EPB41L4B: variants seen among roughly 807,000 people sequenced by gnomAD.
The protein encoded by EPB41L4B is band 4.1-like protein 4B.
In EPB41L4B, 30 loss-of-function variants were observed where a neutral mutation model predicts 112.5. The observed-to-expected ratio is 0.27, with a 90% CI of 0.20 to 0.36. The LOEUF (loss-of-function observed/expected upper bound fraction) is 0.36, where lower values mean the gene tolerates loss of function less well. Among genes scored for constraint, EPB41L4B ranks in the 10% least tolerant of loss-of-function variants. The pLI, the probability that EPB41L4B is intolerant of heterozygous loss-of-function variation, is 1.00. For synonymous variants in EPB41L4B, 408 were observed against 439.7 expected (o/e 0.93, Z 0.90); for missense variants, 1,024 against 1,133.3 (o/e 0.90, Z 1.38).
chr9:109,319,360 C>G (rs1837753504), intron 1 of EPB41L4B, among the ~76,000 whole-genome samples: 2 of 152,160 alleles, frequency 1.3e-5, no homozygotes, highest in Admixed American at 6.5e-5. Flanking sequence ...CCGCCGACCC[C>G]ACGCACGGTG....
intron 4 of EPB41L4B, among the ~76,000 whole-genome samples, 199 bp from the exon 5 acceptor site, chr9:109,265,223 GGTGA>G (rs1485656476): frequency 6.6e-6 from 1 of 152,228 alleles, no homozygotes; most frequent in Non-Finnish European, 1.5e-5. Flanking sequence ...ACGCTAGGAA[GGTGA>G]GTGCATGTGG....
At chr9:109,304,477 A>G (rs1837092644) in intron 1 of EPB41L4B, among the ~76,000 whole-genome samples, 1 of 152,246 alleles carries the variant, frequency 6.6e-6, no homozygotes, top group Non-Finnish European at 1.5e-5. Flanking sequence ...CTGGAGCCGT[A>G]TCATATGTTG....
chr9:109,312,514 C>G (rs1272453424), intron 1 of EPB41L4B, among the ~76,000 whole-genome samples: 2 of 152,092 alleles, frequency 1.3e-5, no homozygotes, highest in African/African-American at 4.8e-5. Flanking sequence ...AGCCCTCCCA[C>G]CCCCCTCGCC....
intron 1 of EPB41L4B, among the ~76,000 whole-genome samples, chr9:109,314,638 C>G (rs568219060): frequency 1.5e-5 from 2 of 131,178 alleles, no homozygotes; most frequent in Admixed American, 7.0e-5. Context: ...TCTCTCACCC[C>G]CCCCCACCTC....
At chr9:109,197,162 C>G (rs1396777856) in intron 20 of EPB41L4B, among the ~76,000 whole-genome samples, 1 of 152,152 alleles carries the variant, frequency 6.6e-6, no homozygotes, top group Non-Finnish European at 1.5e-5. Flanking sequence ...GTGGCTCATG[C>G]CTGTAATCCC....
At chr9:109,234,988 T>G (rs1834089420) in intron 15 of EPB41L4B, among the ~76,000 whole-genome samples, 1 of 152,142 alleles carries the variant, frequency 6.6e-6, no homozygotes, top group African/African-American at 2.4e-5. Context: ...AATCCCAAAT[T>G]AGACAAGGTG....
chr9:109,291,509 G>A (rs1190208827), intron 1 of EPB41L4B, among the ~76,000 whole-genome samples: 1 of 152,210 alleles, frequency 6.6e-6, no homozygotes, highest in Non-Finnish European at 1.5e-5. Context: ...CCAAGACGCT[G>A]TAGTGAGAAG....
chr9:109,207,334 C>G (rs1191303014), intron 18 of EPB41L4B, among the ~76,000 whole-genome samples: 1 of 152,090 alleles, frequency 6.6e-6, no homozygotes, highest in Non-Finnish European at 1.5e-5. Context: ...CTTTAGGAGG[C>G]TGAGGCGCGA....
At chr9:109,313,071 A>T (rs1284971587) in intron 1 of EPB41L4B, among the ~76,000 whole-genome samples, 1 of 151,770 alleles carries the variant, frequency 6.6e-6, no homozygotes, top group Non-Finnish European at 1.5e-5. Flanking sequence ...TGAGACCCCA[A>T]TGTTACCAAA....
Position 109,320,257 on chromosome 9 carries a change from C to G in EPB41L4B, c.190G>C (p.Gly64Arg). The G allele has an allele frequency of 8.2e-7, 1 of 1,215,494 alleles. No individual in the cohort carries two copies. The highest frequency in any genetic ancestry group is 1.6e-5 in the African/African-American group (1 of 62,782). 75.3% of individuals were successfully genotyped at this position (1,215,494 alleles called of 1,614,324 possible). A position where few individuals can be genotyped will look rare whatever the true frequency, so the allele number is the denominator to read the frequency against. ...GCCGCGCCGCCGGTGAGCAGGGGCCCGCCGCCCGCCGGGAACACGCTGCCC... is the reference window on the plus strand; with the variant it reads ...GCCGCGCCGCCGGTGAGCAGGGGCCGGCCGCCCGCCGGGAACACGCTGCCC... ...PGGSVFPAGG[G>R]PLLTGGAAVH... The change falls in exon 1 of 26, where the codon GGG becomes CGG. Residue 64 changes from glycine (G) to arginine (R), a missense_variant. Transcript: ENST00000374566.
chr9:109,263,130 C>A (rs377643988), intron 5 of EPB41L4B, 28 bp from the exon 6 acceptor site: 3 of 1,460,724 alleles, frequency 2.1e-6, no homozygotes, highest in Non-Finnish European at 2.8e-6. Flanking sequence ...GAAATTAATT[C>A]GAAATAGGAA....
chr9:109,205,832 C>T (rs1461526535), intron 18 of EPB41L4B, among the ~76,000 whole-genome samples: 1 of 152,182 alleles, frequency 6.6e-6, no homozygotes, highest in Non-Finnish European at 1.5e-5. Flanking sequence ...AGAACTAAGG[C>T]TCAGAGAGGT....
intron 2 of EPB41L4B, among the ~76,000 whole-genome samples, chr9:109,268,970 C>G (rs1835513012): frequency 6.6e-6 from 1 of 150,974 alleles, no homozygotes; most frequent in Non-Finnish European, 1.5e-5. Flanking sequence ...TCCCTAGTTT[C>G]TGGAAGTTTT....
At chr9:109,262,677 T>C (rs1835258268) in intron 6 of EPB41L4B, among the ~76,000 whole-genome samples, 2 of 152,206 alleles carry the variant, frequency 1.3e-5, no homozygotes, top group African/African-American at 4.8e-5. Flanking sequence ...CATGAAATTC[T>C]TTCTCTTTAA....
chr9:109,260,198 T>C (rs1051565630), intron 6 of EPB41L4B, among the ~76,000 whole-genome samples: 1 of 152,028 alleles, frequency 6.6e-6, no homozygotes, highest in Admixed American at 6.6e-5. Flanking sequence ...GCTCAGTCTG[T>C]AGCTGGGATT....
intron 1 of EPB41L4B, among the ~76,000 whole-genome samples, chr9:109,316,355 A>T (rs1486369104): frequency 1.3e-5 from 2 of 152,248 alleles, no homozygotes; most frequent in African/African-American, 4.8e-5. Context: ...CTGAGCACAC[A>T]GGGCAACGGG....
At position 109,275,067 on chromosome 9, in the gene EPB41L4B, T is replaced by C. The variant is rs550923190; in HGVS notation, c.411+4750A>G. Among the ~76,000 whole-genome samples, 3 of 152,346 alleles carry C rather than the reference T, an allele frequency of 2.0e-5. No individual in the cohort carries two copies. The South Asian group carries it at 6.2e-4, about 32-fold the overall frequency. ...GAAATCTGCAGAGTGGGTTCCTGGA[T>C]GGCCTCCTGTTTTGACATGGAAAAG... On this transcript the variant is annotated intron_variant, in intron 2 of 25. Transcript: ENST00000374566.
chr9:109,194,005 C>A (rs1276698054), intron 21 of EPB41L4B, among the ~76,000 whole-genome samples: 2 of 152,150 alleles, frequency 1.3e-5, no homozygotes, highest in African/African-American at 4.8e-5. Flanking sequence ...GTACAATGAA[C>A]CTGATTTTAT....
At chr9:109,232,167 T>C (rs1240880523) in intron 15 of EPB41L4B, among the ~76,000 whole-genome samples, 1 of 152,088 alleles carries the variant, frequency 6.6e-6, no homozygotes, top group Non-Finnish European at 1.5e-5. Flanking sequence ...AATTTTTGTA[T>C]TTTTAGTAGA....
Sources: gnomAD v4.1 joint callset for allele counts (sites outside exome capture counted in the v4.1 genomes callset) on GRCh38, gnomAD v4.1.1 for gene constraint, MANE v1.5 for transcripts, NCBI Gene and HGNC (gene_info 2026-07-23, HGNC 2026-07-21) for gene names.